The following FGF14 variants were observed in gnomAD, a reference collection of about 807,000 sequenced individuals.
FGF14 encodes fibroblast growth factor 14.
FGF14 carries 5 observed loss-of-function variants against 25.5 expected under a neutral mutation model. The observed-to-expected ratio is 0.20, with a 90% confidence interval of 0.10 to 0.41. The LOEUF (loss-of-function observed/expected upper bound fraction) is 0.41, where lower values mean the gene tolerates loss of function less well. Ranked by LOEUF, FGF14 falls within the 10% of genes least tolerant of loss-of-function variation. FGF14 has a pLI of 1.00. For synonymous variants in FGF14, 138 were observed against 118.3 expected, an observed-to-expected ratio of 1.17 and a Z score of -1.08; for missense variants, 222 against 320.1, an observed-to-expected ratio of 0.69 and a Z score of 2.34.
intron 1 of FGF14, among the ~76,000 whole-genome samples, chr13:101,973,132 T>C (rs1351375432): frequency 6.6e-6 from 1 of 151,812 alleles, no homozygotes; most frequent in Non-Finnish European, 1.5e-5. Context: ...TTTTTTTTTT[T>C]TTTTTGCCTT....
chr13:102,265,891 T>C (rs892656065), intron 1 of FGF14, among the ~76,000 whole-genome samples: 1 of 152,060 alleles, frequency 6.6e-6, no homozygotes, highest in African/African-American at 2.4e-5. Flanking sequence ...GGAGATTTCC[T>C]GTAAAATATA....
At chr13:101,871,449 A>G (rs926808833) in intron 2 of FGF14, among the ~76,000 whole-genome samples, 3 of 152,146 alleles carry the variant, frequency 2.0e-5, no homozygotes, top group African/African-American at 7.2e-5. Context: ...GACGGTGAGA[A>G]CTGCCGTCCT....
chr13:102,184,023 ATAGAACACTTAGCCTTCTTTGCACATTC>A (rs2048781817), intron 1 of FGF14, among the ~76,000 whole-genome samples: 1 of 152,118 alleles, frequency 6.6e-6, no homozygotes, highest in Non-Finnish European at 1.5e-5. Flanking sequence ...AATACAACAA[ATAGAACACTTAGCCTTCTTTGCACATTC>A]TGCAGGAGTC....
intron 1 of FGF14, among the ~76,000 whole-genome samples, chr13:102,039,938 T>C (rs1023239935): frequency 6.6e-5 from 10 of 151,736 alleles, no homozygotes; most frequent in African/African-American, 2.2e-4. Flanking sequence ...AAAGCTGCCA[T>C]TGAGACACAA....
chr13:101,845,328 A>T (rs2984840), intron 3 of FGF14, among the ~76,000 whole-genome samples: 99,948 of 151,890 alleles, frequency 0.66, 34,183 homozygotes, highest in East Asian at 0.92. Flanking sequence ...AAACAACAAA[A>T]AACAGTTCTG....
chr13:101,964,751 A>G (rs1184717942), intron 1 of FGF14, among the ~76,000 whole-genome samples: 1 of 146,008 alleles, frequency 6.8e-6, no homozygotes, highest in Non-Finnish European at 1.5e-5. Flanking sequence ...TTCCTTTTCT[A>G]CTTTCATTTT....
chr13:102,357,012 C>T (rs1242336733), intron 1 of FGF14, among the ~76,000 whole-genome samples: 2 of 151,110 alleles, frequency 1.3e-5, no homozygotes, highest in South Asian at 2.1e-4. Context: ...CCATTTCACA[C>T]TGTTAAAAGA....
chr13:102,206,352 C>T (rs2049923763), intron 1 of FGF14, among the ~76,000 whole-genome samples: 2 of 152,080 alleles, frequency 1.3e-5, no homozygotes, highest in Non-Finnish European at 2.9e-5. Flanking sequence ...TAAGCCACAG[C>T]ACTTTAAATG....
chr13:101,844,119 T>C (rs1359892597), intron 3 of FGF14, among the ~76,000 whole-genome samples: 1 of 152,008 alleles, frequency 6.6e-6, no homozygotes. Flanking sequence ...TGTCTTCTAT[T>C]TATTGCCACA....
chr13:102,386,990 T>G (rs989212118), intron 1 of FGF14, among the ~76,000 whole-genome samples: 35 of 152,216 alleles, frequency 2.3e-4, no homozygotes, highest in Admixed American at 2.1e-3. Flanking sequence ...TGTCTACTAC[T>G]GCTATCACCA....
chr13:102,342,363 C>T (rs1025491189), intron 1 of FGF14, among the ~76,000 whole-genome samples: 1 of 152,004 alleles, frequency 6.6e-6, no homozygotes, highest in Non-Finnish European at 1.5e-5. Flanking sequence ...GGACTCAGGG[C>T]TTCATTTTTA....
chr13:101,788,660 C>A (rs1312929502), intron 3 of FGF14, among the ~76,000 whole-genome samples: 6 of 151,688 alleles, frequency 4.0e-5, no homozygotes, highest in African/African-American at 1.2e-4. Flanking sequence ...GGAGGAGAGA[C>A]AGGCATTTAA....
At chr13:101,941,611 A>G (rs1303122945) in intron 1 of FGF14, among the ~76,000 whole-genome samples, 3 of 152,166 alleles carry the variant, frequency 2.0e-5, no homozygotes, top group African/African-American at 7.2e-5. Flanking sequence ...AATCTTTTCT[A>G]AAGCACACAG....
chr13:101,911,536 T>C (rs926801173), intron 1 of FGF14, among the ~76,000 whole-genome samples: 1 of 152,110 alleles, frequency 6.6e-6, no homozygotes, highest in Non-Finnish European at 1.5e-5. Flanking sequence ...CTATAGCAAA[T>C]ATGGACTGTG....
intron 3 of FGF14, among the ~76,000 whole-genome samples, chr13:101,830,524 T>G (rs2042617703): frequency 6.6e-6 from 1 of 152,054 alleles, no homozygotes; most frequent in African/African-American, 2.4e-5. Flanking sequence ...TAACGTGAGG[T>G]TGAGAACATT....
At chr13:102,196,813 G>A (rs961136271) in intron 1 of FGF14, among the ~76,000 whole-genome samples, 7 of 152,066 alleles carry the variant, frequency 4.6e-5, no homozygotes, top group African/African-American at 7.2e-5. Flanking sequence ...ACTTTGTACC[G>A]TTTGATCAAC....
chr13:101,812,642 TATATA>T (rs1566931500), intron 3 of FGF14, among the ~76,000 whole-genome samples: 59 of 13,434 alleles, frequency 4.4e-3, no homozygotes, highest in Non-Finnish European at 6.3e-3. Context: ...TATATATATA[TATATA>T]TATATATTTT....
At chr13:101,927,209 G>A (rs2034424332) in intron 1 of FGF14, among the ~76,000 whole-genome samples, 1 of 152,168 alleles carries the variant, frequency 6.6e-6, no homozygotes, top group South Asian at 2.1e-4. Flanking sequence ...TGTGAGTCAG[G>A]AATAGCGGCC....
chr13:101,766,752 C>A (rs985680816), intron 3 of FGF14, among the ~76,000 whole-genome samples: 1 of 152,156 alleles, frequency 6.6e-6, no homozygotes, highest in African/African-American at 2.4e-5. Flanking sequence ...TCATGACTGG[C>A]ATCCATATAA....
Sources: allele counts gnomAD v4.1 joint callset (sites outside exome capture counted in the v4.1 genomes callset), GRCh38; gene constraint gnomAD v4.1.1; transcripts MANE v1.5; gene names NCBI Gene and HGNC (gene_info 2026-07-23, HGNC 2026-07-21).